Variants in LNX2 observed in about 807,000 individuals in gnomAD.
The protein encoded by LNX2 is ligand of Numb protein X 2.
A neutral mutation model predicts 66.2 loss-of-function variants in LNX2; 35 were observed. The observed-to-expected ratio is 0.53, with a 90% CI of 0.40 to 0.70. The LOEUF (loss-of-function observed/expected upper bound fraction) is 0.70. Among genes scored for constraint, LNX2 ranks in the 30% least tolerant of loss-of-function variants. The probability of loss-of-function intolerance (pLI) is 0.00; values close to 1 mark genes in which losing one functional copy is unlikely to be tolerated. For missense variants in LNX2, 791 were observed against 850.8 expected, an observed-to-expected ratio of 0.93 and a Z score of 0.87; for synonymous variants, 337 against 315.6, an observed-to-expected ratio of 1.07 and a Z score of -0.72.
In LNX2 at chr13:27,614,444, G is replaced by A. The variant is rs113726314; in HGVS notation, c.-101+5931C>T. Among the ~76,000 whole-genome samples, 436 of 147,708 alleles carry A rather than the reference G, an allele frequency of 3.0e-3. 1 individual carries two copies. The highest frequency in any genetic ancestry group is 0.01 in the African/African-American group (413 of 39,616). ...CCATTTCCCACACCCCCATGATTGT[G>A]CCCCCAACCAATCAGCAGCAAGCAC... On this transcript the variant is annotated intron_variant, in intron 1 of 9. Transcript: ENST00000316334.
chr13:27,575,395 T>C (rs546292674), intron 2 of LNX2, among the ~76,000 whole-genome samples: 21 of 152,312 alleles, frequency 1.4e-4, no homozygotes, highest in African/African-American at 4.8e-4. Context: ...GTGAGGCTGT[T>C]TCTAGCATGT....
In LNX2 at chr13:27,600,122, C is replaced by T. The variant is rs548367338; in HGVS notation, c.-100-18319G>A. ...TATCTGCTGCATGCCAGGCACTGCA[C>T]CAGAGGATAGGGTTACTCTGGAGAG... is the stretch of plus-strand genomic sequence containing the variant. On this transcript the variant is annotated intron_variant, in intron 1 of 9. Coordinates refer to ENST00000316334, the MANE Select transcript of LNX2 (RefSeq NM_153371.4). 2.2e-4 allele frequency among the ~76,000 whole-genome samples: 33 copies of T among 152,258 alleles called. 1 individual carries two copies. The South Asian group carries it at 6.4e-3, about 30-fold the overall frequency.
intron 1 of LNX2, among the ~76,000 whole-genome samples, chr13:27,592,989 T>C (rs914783695): frequency 1.3e-5 from 2 of 152,168 alleles, no homozygotes; most frequent in African/African-American, 2.4e-5. Flanking sequence ...GTTAAGAGCA[T>C]AGACAATTCT....
At chr13:27,611,966 A>G (rs1278147405) in intron 1 of LNX2, among the ~76,000 whole-genome samples, 1 of 152,250 alleles carries the variant, frequency 6.6e-6, no homozygotes, top group Non-Finnish European at 1.5e-5. Flanking sequence ...GAGATTAAAC[A>G]TAGAAAAGAA....
chr13:27,548,557 C>T (rs538191575), intron 9 of LNX2, 87 bp from the exon 10 acceptor site: 18 of 1,401,858 alleles, frequency 1.3e-5, no homozygotes, highest in African/African-American at 5.7e-5. Context: ...ATGAAAAATG[C>T]GGTTTCACTT....
At chr13:27,604,020 T>C (rs506717) in intron 1 of LNX2, among the ~76,000 whole-genome samples, 64,355 of 150,856 alleles carry the variant, frequency 0.43, 14,822 homozygotes, top group East Asian at 0.57. Context: ...GTTGGGAGGC[T>C]GAGGCCAGTG....
At position 27,567,841 on chromosome 13, in the gene LNX2, T is replaced by C; in HGVS notation, c.656-2A>G. 6.2e-7 allele frequency: 1 copy of C among 1,613,416 alleles called. No homozygotes were observed. The highest frequency in any genetic ancestry group is 8.5e-7 in the Non-Finnish European group (1 of 1,179,468). ...GTAAACTAAGTGGCTGTTGTGTGGC[T>C]GCCAAGTTAAAAATGAGACAGACAA... On this transcript the variant is annotated splice_acceptor_variant, in intron 3 of 9. Coordinates refer to ENST00000316334, the MANE Select transcript of LNX2 (RefSeq NM_153371.4). LOFTEE classifies it high-confidence loss of function.
intron 1 of LNX2, among the ~76,000 whole-genome samples, chr13:27,608,323 A>C (rs1468716618): frequency 1.3e-5 from 2 of 152,248 alleles, no homozygotes; most frequent in African/African-American, 4.8e-5. Context: ...ATTATAATCT[A>C]GACTAGATTT....
At chr13:27,572,748 C>T (rs1426905563) in intron 2 of LNX2, among the ~76,000 whole-genome samples, 3 of 152,148 alleles carry the variant, frequency 2.0e-5, no homozygotes, top group African/African-American at 7.2e-5. Flanking sequence ...TGCAACAACA[C>T]ACTATATTAT....
chr13:27,572,255 A>G (rs900488278), intron 2 of LNX2, among the ~76,000 whole-genome samples: 4 of 152,244 alleles, frequency 2.6e-5, no homozygotes, highest in Non-Finnish European at 4.4e-5. Context: ...TGGAACATTT[A>G]AGAACACAAA....
intron 2 of LNX2, among the ~76,000 whole-genome samples, chr13:27,579,491 G>C (rs1178732996): frequency 6.6e-6 from 1 of 152,060 alleles, no homozygotes; most frequent in African/African-American, 2.4e-5. Flanking sequence ...CCTTCAACTG[G>C]ATAAGCCTTT....
At chr13:27,582,578 A>G (rs1335704495) in intron 1 of LNX2, among the ~76,000 whole-genome samples, 1 of 152,218 alleles carries the variant, frequency 6.6e-6, no homozygotes, top group Non-Finnish European at 1.5e-5. Flanking sequence ...TTACAGTACA[A>G]TATCAAAGAT....
At chr13:27,560,585 A>ATATATATATATATATATG (rs1555267008) in intron 5 of LNX2, among the ~76,000 whole-genome samples, 1 of 147,598 alleles carries the variant, frequency 6.8e-6, no homozygotes, top group African/African-American at 2.5e-5. Flanking sequence ...ATATATATAT[A>ATATATATATATATATATG]GCATACTTGT....
intron 1 of LNX2, among the ~76,000 whole-genome samples, chr13:27,592,066 A>G (rs916825358): frequency 3.3e-5 from 5 of 152,236 alleles, no homozygotes; most frequent in Non-Finnish European, 7.3e-5. Flanking sequence ...CAGAGAAGAC[A>G]TCAGAATGGT....
intron 1 of LNX2, among the ~76,000 whole-genome samples, chr13:27,600,452 T>C (rs1955644608): frequency 6.6e-6 from 1 of 152,150 alleles, no homozygotes; most frequent in South Asian, 2.1e-4. Flanking sequence ...TTAGCCACTA[T>C]ACATGCAAAA....
rs967701194 is a variant in LNX2 at position 27,545,955 on chromosome 13, A to T, written c.*2380T>A. ...TTTATTTCCATCCTGAATGATTCACACCATTATTTAAACATCTGAAAAATC... is the reference window on the plus strand; with the variant it reads ...TTTATTTCCATCCTGAATGATTCACTCCATTATTTAAACATCTGAAAAATC... On this transcript the variant is annotated 3_prime_UTR_variant, in exon 10 of 10. Coordinates refer to ENST00000316334, the MANE Select transcript of LNX2 (RefSeq NM_153371.4). 1.3e-5 allele frequency: 2 copies of T among 152,216 alleles called. No homozygotes were observed. The highest frequency in any genetic ancestry group is 4.8e-5 in the African/African-American group (2 of 41,458). 9.4% of individuals were successfully genotyped at this position (152,216 alleles called of 1,614,324 possible).
At chr13:27,617,794 C>T (rs1955843439) in intron 1 of LNX2, among the ~76,000 whole-genome samples, 1 of 152,218 alleles carries the variant, frequency 6.6e-6, no homozygotes. Flanking sequence ...TTTAGCACCT[C>T]CTTAGATTAG....
At chr13:27,566,228 G>A (rs541065458) in intron 4 of LNX2, among the ~76,000 whole-genome samples, 54 of 152,306 alleles carry the variant, frequency 3.5e-4, no homozygotes, top group African/African-American at 1.1e-3. Flanking sequence ...GAGAATGGCT[G>A]AACAAAAGCT....
chr13:27,559,348 G>A (rs1209203017), intron 6 of LNX2, among the ~76,000 whole-genome samples: 3 of 139,188 alleles, frequency 2.2e-5, no homozygotes, highest in African/African-American at 2.5e-5. Context: ...TATCAAATAC[G>A]TAAATATGCT....
Sources: gnomAD v4.1 joint callset for allele counts (sites outside exome capture counted in the v4.1 genomes callset) on GRCh38, gnomAD v4.1.1 for gene constraint, MANE v1.5 for transcripts, NCBI Gene and HGNC (gene_info 2026-07-23, HGNC 2026-07-21) for gene names.